The following TEX36 variants were observed in gnomAD, a reference collection of about 807,000 sequenced individuals.
The protein encoded by TEX36 is testis expressed 36.
TEX36 carries 12 observed loss-of-function variants against 13.6 expected under a neutral mutation model. The observed-to-expected ratio is 0.88, with a 90% confidence interval of 0.56 to 1.43. TEX36 has a LOEUF of 1.43. Among genes scored for constraint, TEX36 ranks in the 40% most tolerant of loss-of-function variants. The pLI is 0.00. For missense variants in TEX36, 224 were observed against 228.3 expected (o/e 0.98, Z 0.12); for synonymous variants, 93 against 83.0 (o/e 1.12, Z -0.65).
At chr10:125,604,226 A>T (rs1589750738) in intron 3 of TEX36, among the ~76,000 whole-genome samples, 2 of 152,120 alleles carry the variant, frequency 1.3e-5, no homozygotes, top group East Asian at 3.9e-4. Flanking sequence ...CCAGATGAGC[A>T]AGTGAAGCTT....
chr10:125,651,598 G>T (rs1286744424), downstream of TEX36, among the ~76,000 whole-genome samples: 2 of 152,166 alleles, frequency 1.3e-5, no homozygotes, highest in Non-Finnish European at 2.9e-5. Flanking sequence ...AGACAGGGAT[G>T]CCCTCTCTCA....
rs1205109539 is a variant in TEX36, at chr10:125,667,292, T to G, written c.52-5315A>C. On this transcript the variant is annotated intron_variant, in intron 1 of 3. Coordinates refer to ENST00000368821, the MANE Select transcript of TEX36 (RefSeq NM_001128202.3). ...AAGATGCCCTCCAAGATAGATGTGT[T>G]GATCACTCAGAGCCTTGTAGACAGC... 4 of 630,906 alleles carry G rather than the reference T, an allele frequency of 6.3e-6. No individual in the cohort carries two copies. In the African/African-American group the frequency reaches 7.3e-5, roughly 11 times the overall value. The allele number at this position is 630,906 out of a possible 1,614,324, so 39.1% of individuals were successfully genotyped here.
intron 3 of TEX36, among the ~76,000 whole-genome samples, chr10:125,641,046 G>A (rs1846684270): frequency 6.6e-6 from 1 of 151,136 alleles, no homozygotes; most frequent in African/African-American, 2.4e-5. Flanking sequence ...GGGATGAAAT[G>A]TCCTCTTCTC....
At chr10:125,612,107 A>G (rs1846297533) in intron 3 of TEX36, among the ~76,000 whole-genome samples, 3 of 131,114 alleles carry the variant, frequency 2.3e-5, no homozygotes, top group Admixed American at 8.3e-5. Flanking sequence ...TTTTTTTCAG[A>G]CAGAGTCTTG....
chr10:125,651,800 C>T (rs1195876187), downstream of TEX36, among the ~76,000 whole-genome samples: 28 of 152,188 alleles, frequency 1.8e-4, no homozygotes, highest in Admixed American at 1.8e-3. Flanking sequence ...TCAGCAAAAT[C>T]TCAGGATACA....
intron 3 of TEX36, among the ~76,000 whole-genome samples, chr10:125,636,900 T>A (rs1846630236): frequency 1.3e-5 from 2 of 152,272 alleles, no homozygotes; most frequent in East Asian, 3.9e-4. Flanking sequence ...AAATGAACCC[T>A]TATACCCATT....
chr10:125,576,907 G>A, intron 3 of TEX36: 3 of 1,535,966 alleles, frequency 2.0e-6, no homozygotes, highest in Non-Finnish European at 2.6e-6. Context: ...AGAACCATGA[G>A]TAGTTGTGTG....
At chr10:125,647,703 G>A (rs1338300082) in intron 3 of TEX36, among the ~76,000 whole-genome samples, 1 of 151,646 alleles carries the variant, frequency 6.6e-6, no homozygotes, top group Non-Finnish European at 1.5e-5. Context: ...AGCAGGGCGG[G>A]GCATTGCCTC....
intron 1 of TEX36, among the ~76,000 whole-genome samples, chr10:125,672,180 T>C (rs1383682183): frequency 6.6e-6 from 1 of 152,152 alleles, no homozygotes; most frequent in South Asian, 2.1e-4. Flanking sequence ...AGCTTTGGGG[T>C]TCATTTGCTC....
intron 3 of TEX36, among the ~76,000 whole-genome samples, chr10:125,597,462 A>G (rs1390685918): frequency 6.6e-6 from 1 of 152,256 alleles, no homozygotes; most frequent in Non-Finnish European, 1.5e-5. Context: ...ATAGCTTACA[A>G]GCAAGAGTTT....
chr10:125,584,192 G>A (rs1845916823), intron 3 of TEX36, among the ~76,000 whole-genome samples: 1 of 152,154 alleles, frequency 6.6e-6, no homozygotes, highest in African/African-American at 2.4e-5. Context: ...ACCAGACTAG[G>A]GCCACCTGAA....
intron 3 of TEX36, among the ~76,000 whole-genome samples, chr10:125,630,682 T>C (rs1432626129): frequency 1.3e-4 from 20 of 152,258 alleles, no homozygotes; most frequent in Non-Finnish European, 4.4e-5. Context: ...TGCATGTCGA[T>C]GGGAAACTAG....
At chr10:125,632,905 T>C (rs1358679824) in intron 3 of TEX36, among the ~76,000 whole-genome samples, 1 of 152,088 alleles carries the variant, frequency 6.6e-6, no homozygotes, top group African/African-American at 2.4e-5. Context: ...AGGTGGATCA[T>C]TTGAGGTCAG....
At chr10:125,582,895 A>T (rs1246603248) in intron 3 of TEX36, among the ~76,000 whole-genome samples, 1 of 152,210 alleles carries the variant, frequency 6.6e-6, no homozygotes, top group Non-Finnish European at 1.5e-5. Flanking sequence ...TAAGCCTCCA[A>T]ATTTAAATGT....
At chr10:125,614,083 T>G (rs1400610226) in intron 3 of TEX36, among the ~76,000 whole-genome samples, 1 of 152,258 alleles carries the variant, frequency 6.6e-6, no homozygotes, top group African/African-American at 2.4e-5. Context: ...TGTCTTCTTT[T>G]GAGAAGTGTT....
At chr10:125,583,777 T>TATAG (rs1484035038) in intron 3 of TEX36, among the ~76,000 whole-genome samples, 2 of 152,188 alleles carry the variant, frequency 1.3e-5, no homozygotes, top group African/African-American at 4.8e-5. Flanking sequence ...ATTGCCTCAA[T>TATAG]ATAGATACAT....
chr10:125,641,330 T>C (rs1846689215), intron 3 of TEX36, among the ~76,000 whole-genome samples: 1 of 152,234 alleles, frequency 6.6e-6, no homozygotes, highest in South Asian at 2.1e-4. Flanking sequence ...AATGTACGTC[T>C]CTAAAAAGAG....
intron 3 of TEX36, among the ~76,000 whole-genome samples, chr10:125,637,762 C>G (rs923437852): frequency 6.6e-6 from 1 of 152,118 alleles, no homozygotes; most frequent in African/African-American, 2.4e-5. Context: ...GCAGCGGCCT[C>G]AAGAACCTTG....
At chr10:125,623,665 C>T (rs1055975604) in intron 3 of TEX36, among the ~76,000 whole-genome samples, 9 of 151,516 alleles carry the variant, frequency 5.9e-5, no homozygotes, top group African/African-American at 9.7e-5. Flanking sequence ...AGGCCCTGTA[C>T]GGGACTGATG....
Sources: allele counts gnomAD v4.1 joint callset (sites outside exome capture counted in the v4.1 genomes callset), GRCh38; gene constraint gnomAD v4.1.1; transcripts MANE v1.5; gene names NCBI Gene and HGNC (gene_info 2026-07-23, HGNC 2026-07-21).